The following GGNBP2 variants were observed in gnomAD, a reference collection of about 807,000 sequenced individuals.
GGNBP2 encodes the protein gametogenetin-binding protein 2.
A neutral mutation model predicts 85.9 loss-of-function variants in GGNBP2; 10 were observed. The observed-to-expected ratio is 0.12, with a 90% confidence interval of 0.07 to 0.20. The LOEUF is 0.20. GGNBP2 is among the 10% of genes least tolerant of loss of function. The pLI is 1.00. For missense variants in GGNBP2, 595 were observed against 857.8 expected (o/e 0.69, Z 3.83); for synonymous variants, 287 against 285.7 (o/e 1.00, Z -0.05).
At chr17:36,562,076 G>A (rs1303068573) in intron 5 of GGNBP2, among the ~76,000 whole-genome samples, 2 of 152,214 alleles carry the variant, frequency 1.3e-5, no homozygotes, top group African/African-American at 2.4e-5. Flanking sequence ...ATAGTGAGGC[G>A]AAGCCATGGA....
chr17:36,554,625 A>G (rs1438733604), intron 2 of GGNBP2, among the ~76,000 whole-genome samples, 195 bp from the exon 3 acceptor site: 1 of 151,496 alleles, frequency 6.6e-6, no homozygotes, highest in Non-Finnish European at 1.5e-5. Flanking sequence ...CCCCCACCCC[A>G]CTGGCCTCCC....
At chr17:36,556,427 C>T (rs1261988599) in intron 3 of GGNBP2, among the ~76,000 whole-genome samples, 1 of 152,150 alleles carries the variant, frequency 6.6e-6, no homozygotes, top group South Asian at 2.1e-4. Context: ...AAAAACAGGC[C>T]AGGCGTGGTG....
At chr17:36,578,917 A>G (rs1376400381) in intron 7 of GGNBP2, 3 of 187,256 alleles carry the variant, frequency 1.6e-5, no homozygotes, top group Admixed American at 5.9e-5. Context: ...ATGTTTTGCT[A>G]TAATTGGAAA....
intron 8 of GGNBP2, among the ~76,000 whole-genome samples, chr17:36,580,028 AAAAAC>A (rs1170175049): frequency 6.6e-6 from 1 of 151,882 alleles, no homozygotes; most frequent in Non-Finnish European, 1.5e-5. Flanking sequence ...AAACAAAAAC[AAAAAC>A]AAAACAAAAA....
chr17:36,560,970 T>C (rs1433281439), intron 5 of GGNBP2, 99 bp downstream of exon 5: 2 of 661,140 alleles, frequency 3.0e-6, no homozygotes, highest in Non-Finnish European at 5.1e-6. Flanking sequence ...CTTTAATTCA[T>C]TAATTGGTTA....
In GGNBP2 at chr17:36,577,927, C is replaced by T. The variant is rs749770909; in HGVS notation, c.642-56C>T. On this transcript the variant is annotated intron_variant, in intron 6 of 13. Transcript: ENST00000613102. ...CCATCATCTAGTACACTGTTATATG[C>T]CACAAGAAATAATTGCACAGCCATT... 3.6e-6 allele frequency: 5 copies of T among 1,372,624 alleles called. No individual in the cohort carries two copies. In the African/African-American group the frequency reaches 5.7e-5, roughly 16 times the overall value. The allele number at this position is 1,372,624 out of a possible 1,614,324, so 85.0% of individuals were successfully genotyped here. A position where few individuals can be genotyped will look rare whatever the true frequency, so the allele number is the denominator to read the frequency against.
chr17:36,562,974 A>G (rs2074433773), intron 5 of GGNBP2, among the ~76,000 whole-genome samples: 1 of 149,066 alleles, frequency 6.7e-6, no homozygotes, highest in South Asian at 2.1e-4. Context: ...AAAAAAAAAA[A>G]AAAAAAAAAG....
At chr17:36,584,380 C>T (rs2074680253) in intron 9 of GGNBP2, among the ~76,000 whole-genome samples, 1 of 152,152 alleles carries the variant, frequency 6.6e-6, no homozygotes, top group African/African-American at 2.4e-5. Flanking sequence ...CTCTGTCGCC[C>T]ACAGTGGAGT....
chr17:36,575,430 TC>T (rs962656538), intron 6 of GGNBP2: 54 of 172,436 alleles, frequency 3.1e-4, no homozygotes, highest in Admixed American at 1.9e-4. Flanking sequence ...ATGAAGAGTT[TC>T]CCCTATGTTT....
intron 5 of GGNBP2, among the ~76,000 whole-genome samples, chr17:36,567,355 A>G (rs1402844662): frequency 6.6e-6 from 1 of 152,210 alleles, no homozygotes; most frequent in African/African-American, 2.4e-5. Flanking sequence ...TAATATCTTA[A>G]TCATTAAAGT....
At chr17:36,576,629 G>GTGTGTGTGTGTGTGTGTGTA (rs1203227585) in intron 6 of GGNBP2, 20 of 111,070 alleles carry the variant, frequency 1.8e-4, no homozygotes, top group South Asian at 2.8e-4. Flanking sequence ...GTGTGTGTGT[G>GTGTGTGTGTGTGTGTGTGTA]TATATGTATA....
chr17:36,581,636 T>C lies in GGNBP2; in HGVS notation c.1215+98T>C. 7 of 841,736 alleles carry C rather than the reference T, an allele frequency of 8.3e-6. No homozygotes were observed. In the South Asian group the frequency reaches 1.4e-4, roughly 17 times the overall value. 52.1% of individuals were successfully genotyped at this position (841,736 alleles called of 1,614,324 possible). A position where few individuals can be genotyped will look rare whatever the true frequency, so the allele number is the denominator to read the frequency against. On this transcript the variant is annotated intron_variant, in intron 9 of 13. Coordinates refer to ENST00000613102, the MANE Select transcript of GGNBP2 (RefSeq NM_024835.5). ...GGCTCACGCCTGTGATCCCAGCACT[T>C]TGGGAGGCCCAGGGTGGAGGTATCA...
intron 8 of GGNBP2, among the ~76,000 whole-genome samples, chr17:36,580,613 T>C (rs1297252811): frequency 6.6e-6 from 1 of 152,136 alleles, no homozygotes; most frequent in Non-Finnish European, 1.5e-5. Flanking sequence ...TGTTTACTTT[T>C]GTTGTGTTAA....
At chr17:36,575,351 A>G (rs1052463872) in intron 6 of GGNBP2, 3 of 367,362 alleles carry the variant, frequency 8.2e-6, no homozygotes, top group East Asian at 1.4e-4. Context: ...AGAAGCATCT[A>G]TTTTTGTTTT....
intron 2 of GGNBP2, among the ~76,000 whole-genome samples, chr17:36,553,169 G>A (rs1483530904): frequency 6.6e-6 from 1 of 152,074 alleles, no homozygotes; most frequent in Non-Finnish European, 1.5e-5. Context: ...GGAAATATAG[G>A]AACACATACA....
chr17:36,567,653 C>G lies in GGNBP2; in HGVS notation c.528-10C>G, dbSNP rs938863309. On this transcript the variant is annotated splice_polypyrimidine_tract_variant and intron_variant, in intron 5 of 13. Coordinates refer to ENST00000613102, the MANE Select transcript of GGNBP2 (RefSeq NM_024835.5). ...TTCTCCCTTTTCACTAATATTTGTT[C>G]TTTCTACAGAGGTTGTTGGATGGAT... 1 of 1,433,362 alleles carries G rather than the reference C, an allele frequency of 7.0e-7. No individual in the cohort carries two copies. The highest frequency in any genetic ancestry group is 9.8e-7 in the Non-Finnish European group (1 of 1,022,886). The allele number at this position is 1,433,362 out of a possible 1,614,324, so 88.8% of individuals were successfully genotyped here.
At chr17:36,584,498 C>T (rs573400626) in intron 9 of GGNBP2, among the ~76,000 whole-genome samples, 3 of 152,284 alleles carry the variant, frequency 2.0e-5, no homozygotes, top group South Asian at 2.1e-4. Flanking sequence ...CCACCTTGCC[C>T]GGCTAATTTT....
rs565279704 is a variant in GGNBP2 at position 36,579,857 on chromosome 17, A to G, written c.1020+438A>G. 6.6e-5 allele frequency among the ~76,000 whole-genome samples: 10 copies of G among 152,202 alleles called. No individual in the cohort carries two copies. The South Asian group carries it at 2.1e-3, about 32-fold the overall frequency. On this transcript the variant is annotated intron_variant, in intron 8 of 13. Coordinates refer to ENST00000613102, the MANE Select transcript of GGNBP2 (RefSeq NM_024835.5). ...GAAACCCCGTCTCTACTAAAAATAC[A>G]AAAATTAGCTGGGCGTGGTGGCGGG...
chr17:36,563,562 T>A (rs2074440170), intron 5 of GGNBP2, among the ~76,000 whole-genome samples: 1 of 151,490 alleles, frequency 6.6e-6, no homozygotes, highest in Admixed American at 6.6e-5. Flanking sequence ...GAATACCCAG[T>A]TCATACTTAG....
Sources: allele counts gnomAD v4.1 joint callset (sites outside exome capture counted in the v4.1 genomes callset), GRCh38; gene constraint gnomAD v4.1.1; transcripts MANE v1.5; gene names NCBI Gene and HGNC (gene_info 2026-07-23, HGNC 2026-07-21).